The following PHRF1 variants were observed in gnomAD, a reference collection of about 807,000 sequenced individuals.
The protein encoded by PHRF1 is PHD and RING finger domain-containing protein 1.
A neutral mutation model predicts 128.9 loss-of-function variants in PHRF1; 53 were observed. The ratio of observed to expected loss-of-function variants is 0.41; its 90% CI spans 0.33 to 0.52. The LOEUF (loss-of-function observed/expected upper bound fraction) is 0.52. Among genes scored for constraint, PHRF1 ranks in the 20% least tolerant of loss-of-function variants. The pLI is 0.21. For missense variants in PHRF1, 2,503 were observed against 2,284.5 expected (o/e 1.10, Z -1.95); for synonymous variants, 1,178 against 980.6 (o/e 1.20, Z -3.76).
In PHRF1 at chr11:610,305, C is replaced by T. The variant is rs370617290; in HGVS notation, c.4374C>T (p.His1458=). The change falls in exon 15 of 18, where the codon CAC becomes CAT. Residue 1458 remains histidine, a synonymous_variant. Transcript: ENST00000264555. Reference sequence around the variant, plus strand: ...TCTCCGAGCTGCCCTTTCCCAGTCACGTGCTTCCGGAACCCGGGTTCCCAG... The same window carrying T: ...TCTCCGAGCTGCCCTTTCCCAGTCATGTGCTTCCGGAACCCGGGTTCCCAG... The part of the protein sequence containing the change: ...QVFSELPFPS[H]VLPEPGFPDT... 81 of 1,564,984 alleles carry T rather than the reference C, an allele frequency of 5.2e-5. No homozygotes were observed. Among genetic ancestry groups the T allele is most frequent in the Non-Finnish European group, 6.5e-5 (75 of 1,155,000 alleles).
At position 608,358 on chromosome 11, in the gene PHRF1, C is replaced by T; in HGVS notation, c.2902C>T (p.Pro968Ser). 1 of 1,610,518 alleles carries T rather than the reference C, an allele frequency of 6.2e-7. No individual in the cohort carries two copies. The highest frequency in any genetic ancestry group is 1.1e-5 in the South Asian group (1 of 90,918). ...RTVTCVTVVE[P>S]EAPPSPDVLQ... ...GGTGACCTGTGTGACTGTCGTGGAG[C>T]CGGAAGCCCCACCCAGCCCGGACGT... The change falls in exon 14 of 18, where the codon CCG becomes TCG. Residue 968 changes from proline to serine, a missense_variant. Pro to Ser is a moderately conservative substitution (Grantham distance 74, BLOSUM62 -1). Coordinates refer to ENST00000264555, the MANE Select transcript of PHRF1 (RefSeq NM_001286581.2).
Position 608,160 on chromosome 11 carries a change from A to G in PHRF1, c.2704A>G (p.Met902Val), listed in dbSNP as rs1285146836. 1 of 1,610,940 alleles carries G rather than the reference A, an allele frequency of 6.2e-7. No individual in the cohort carries two copies. Among genetic ancestry groups the G allele is most frequent in the Admixed American group, 1.7e-5 (1 of 60,020 alleles). ...ACCCCCTCTCGGACCGTCCTCCGCC[A>G]TGTCCAAGCTCCGGGGTGCAGTGGC... is the stretch of plus-strand genomic sequence containing the variant. ...PEPPLGPSSAMSKLRGAVAAE... is the reference protein window; with the variant it reads ...PEPPLGPSSAVSKLRGAVAAE... The change falls in exon 14 of 18, where the codon ATG (methionine) becomes GTG (valine). Residue 902 changes from methionine (M) to valine (V), a missense_variant. Coordinates refer to ENST00000264555, the MANE Select transcript of PHRF1 (RefSeq NM_001286581.2).
At chr11:577,670 C>T (rs11246198) in intron 1 of PHRF1, among the ~76,000 whole-genome samples, 3 of 152,320 alleles carry the variant, frequency 2.0e-5, no homozygotes, top group Middle Eastern at 6.8e-3. Context: ...GTTCTCCTAG[C>T]TGATACAGCA....
At position 611,476 on chromosome 11, in the gene PHRF1, C is replaced by T. The variant is rs190286770; in HGVS notation, c.4807-158C>T. ...GGCATAGCGAACAGGACGGGGGTCT[C>T]ACATAGGTGGGGCGGCCTCTGCCGC... is the stretch of plus-strand genomic sequence containing the variant. On this transcript the variant is annotated intron_variant, in intron 17 of 17. Transcript: ENST00000264555. 9.5e-3 allele frequency among the ~76,000 whole-genome samples: 1,448 copies of T among 152,292 alleles called. 13 individuals are homozygous for T. Among genetic ancestry groups the T allele is most frequent in the Non-Finnish European group, 0.014 (975 of 68,008 alleles).
chr11:592,622 G>A lies in PHRF1; in HGVS notation c.568G>A (p.Gly190Ser), dbSNP rs748606414. The A allele has an allele frequency of 3.2e-5, 52 of 1,613,952 alleles. No homozygotes were observed. Among genetic ancestry groups the A allele is most frequent in the Admixed American group, 1.2e-4 (7 of 60,012 alleles). The change falls in exon 6 of 18, where the codon GGC (glycine) becomes AGC (serine). Residue 190 changes from glycine to serine, a missense_variant. By Grantham distance (56) the Gly-to-Ser change is moderately conservative. Coordinates refer to ENST00000264555, the MANE Select transcript of PHRF1 (RefSeq NM_001286581.2). The stretch of plus-strand genomic sequence containing the variant: ...GGACCCGACCTTCTGTGAGGTGTGC[G>A]GCAGGAGCGACCGTGAGGACAGGCT... ...EEDPTFCEVC[G>S]RSDREDRLLL... is the part of the protein sequence containing the mutation.
In PHRF1 at chr11:605,894, G is replaced by A. The variant is rs1470189110; in HGVS notation, c.1454+170G>A. Among the ~76,000 whole-genome samples the A allele has an allele frequency of 2.0e-5, 3 of 152,366 alleles. No homozygotes were observed. In the South Asian group the frequency reaches 6.2e-4, roughly 32 times the overall value. ...GCCCTTGGCGTGAGGCAGTGCTGCA[G>A]CCCATCCTGTGTCAGAGGCCACGGC... On this transcript the variant is annotated intron_variant, in intron 12 of 17. Transcript: ENST00000264555.
At chr11:596,893 C>T (rs774294578) in intron 6 of PHRF1, 30 bp from the exon 7 acceptor site, 97 of 1,595,292 alleles carry the variant, frequency 6.1e-5, no homozygotes, top group East Asian at 4.8e-4. Context: ...GAGCAGCACC[C>T]GGATGCTTTG....
chr11:584,862 C>T (rs1205091261), intron 3 of PHRF1, among the ~76,000 whole-genome samples: 1 of 151,270 alleles, frequency 6.6e-6, no homozygotes, highest in Non-Finnish European at 1.5e-5. Context: ...CTCAGCCTCT[C>T]GAGTAGCTCG....
At chr11:582,543 T>A (rs1854269210) in intron 3 of PHRF1, among the ~76,000 whole-genome samples, 1 of 152,008 alleles carries the variant, frequency 6.6e-6, no homozygotes, top group Admixed American at 6.5e-5. Flanking sequence ...TTTTCTTTTT[T>A]GAGACGGAGT....
rs751498964 is a variant in PHRF1, at chr11:581,961, G to A, written c.95-1G>A. On this transcript the variant is annotated splice_acceptor_variant, in intron 2 of 17. Transcript: ENST00000264555. LOFTEE classifies it high-confidence loss of function. ...GGCCTGTGTCTCACCCTGGTGTCTA[G>A]AAGAAAGCAGCGTGGGCAGCAGTGG... The A allele has an allele frequency of 6.3e-7, 1 of 1,593,822 alleles. No individual in the cohort carries two copies. The highest frequency in any genetic ancestry group is 1.1e-5 in the South Asian group (1 of 87,568).
rs773305154 is a variant in PHRF1, at chr11:609,677, G to A, written c.4221G>A (p.Leu1407=). The A allele has an allele frequency of 1.4e-5, 22 of 1,541,214 alleles. No individual in the cohort carries two copies. The highest frequency in any genetic ancestry group is 1.7e-5 in the Non-Finnish European group (20 of 1,147,106). ...RALVKRVTWN[L]QESESSAPAE... is the part of the protein sequence containing the mutation. ...TGGTGAAGCGGGTCACCTGGAACCT[G>A]CAGGAGTCGGAGAGCAGCGCCCCCG... Residue 1407 remains leucine, a synonymous_variant, in exon 14 of 18, where the codon CTG becomes CTA. Coordinates refer to ENST00000264555, the MANE Select transcript of PHRF1 (RefSeq NM_001286581.2).
chr11:586,490 C>T lies in PHRF1; in HGVS notation c.215-769C>T, dbSNP rs1348386523. 3.3e-5 allele frequency among the ~76,000 whole-genome samples: 5 copies of T among 152,230 alleles called. No individual in the cohort carries two copies. In the East Asian group the frequency reaches 5.8e-4, roughly 18 times the overall value. On this transcript the variant is annotated intron_variant, in intron 3 of 17. Transcript: ENST00000264555. ...AGGGTCCTGCCCACATGCGTGGAACCGGGAGGGTTTGGAGGGTTTCGGGCC... is the reference window on the plus strand; with the variant it reads ...AGGGTCCTGCCCACATGCGTGGAACTGGGAGGGTTTGGAGGGTTTCGGGCC...
At chr11:606,928 C>T (rs981041978) in intron 13 of PHRF1, 138 bp from the exon 14 acceptor site, 8 of 1,354,076 alleles carry the variant, frequency 5.9e-6, no homozygotes, top group African/African-American at 2.9e-5. Flanking sequence ...TGTGGAAAGG[C>T]GAGGTGTCCA....
chr11:608,320 C>T lies in PHRF1; in HGVS notation c.2864C>T (p.Ser955Phe), dbSNP rs781005410. The change falls in exon 14 of 18, where the codon TCT becomes TTT. Residue 955 changes from serine to phenylalanine, a missense_variant. By Grantham distance (155) the Ser-to-Phe change is radical (BLOSUM62 -2). Coordinates refer to ENST00000264555, the MANE Select transcript of PHRF1 (RefSeq NM_001286581.2). ...DGASCSTFFGSEERTVTCVTV... is the reference protein window; with the variant it reads ...DGASCSTFFGFEERTVTCVTV... ...GCGTCTTGCAGCACCTTCTTTGGCT[C>T]TGAGGAGCGGACGGTGACCTGTGTG... 2.5e-6 allele frequency: 4 copies of T among 1,609,830 alleles called. No individual in the cohort carries two copies. Among genetic ancestry groups the T allele is most frequent in the Admixed American group, 1.7e-5 (1 of 59,632 alleles).
chr11:583,497 A>G (rs901817091), intron 3 of PHRF1, among the ~76,000 whole-genome samples: 3 of 152,210 alleles, frequency 2.0e-5, no homozygotes. Context: ...AGCCTGGGCC[A>G]CAGAGCGAGA....
At chr11:606,889 C>T in intron 13 of PHRF1, 177 bp from the exon 14 acceptor site, 1 of 1,116,042 alleles carries the variant, frequency 9.0e-7, no homozygotes, top group South Asian at 1.7e-5. Flanking sequence ...TTGTCATCCA[C>T]AGAGTGGCTG....
intron 13 of PHRF1, 107 bp from the exon 14 acceptor site, chr11:606,959 T>G: frequency 6.8e-7 from 1 of 1,475,880 alleles, no homozygotes; most frequent in Non-Finnish European, 9.0e-7. Context: ...CAGACAGGAG[T>G]TTAAAGCGCA....
At chr11:589,393 G>A (rs962328784) in intron 4 of PHRF1, among the ~76,000 whole-genome samples, 3 of 152,184 alleles carry the variant, frequency 2.0e-5, no homozygotes, top group African/African-American at 7.2e-5. Context: ...TTGATGTGTT[G>A]TGAAGTCAAC....
At position 587,402 on chromosome 11, in the gene PHRF1, G is replaced by C; in HGVS notation, c.358G>C (p.Val120Leu). 1 of 1,613,864 alleles carries C rather than the reference G, an allele frequency of 6.2e-7. No individual in the cohort carries two copies. Among genetic ancestry groups the C allele is most frequent in the South Asian group, 1.1e-5 (1 of 91,076 alleles). ...ICLNAFRDQA[V>L]GTPENCAHYF... ...TCTCAACGCATTCAGAGACCAGGCC[G>C]TGGGGACGCCGGAGAACTGTGCCCA... Residue 120 changes from valine (V) to leucine (L), a missense_variant, in exon 4 of 18, where the codon GTG becomes CTG. Coordinates refer to ENST00000264555, the MANE Select transcript of PHRF1 (RefSeq NM_001286581.2).
Sources: gnomAD v4.1 joint callset for allele counts (sites outside exome capture counted in the v4.1 genomes callset) on GRCh38, gnomAD v4.1.1 for gene constraint, MANE v1.5 for transcripts, NCBI Gene and HGNC (gene_info 2026-07-23, HGNC 2026-07-21) for gene names.